The following SHANK1 variants were observed in gnomAD, a reference collection of about 807,000 sequenced individuals.
SHANK1 encodes the protein SH3 and multiple ankyrin repeat domains 1.
SHANK1 carries 35 observed loss-of-function variants against 165.6 expected under a neutral mutation model. The ratio of observed to expected loss-of-function variants is 0.21; its 90% CI spans 0.16 to 0.28. The LOEUF (loss-of-function observed/expected upper bound fraction) is 0.28. Among genes scored for constraint, SHANK1 ranks in the 10% least tolerant of loss-of-function variants. The probability of loss-of-function intolerance (pLI) is 1.00; values close to 1 mark genes in which losing one functional copy is unlikely to be tolerated. For synonymous variants in SHANK1, 1,428 were observed against 1,384.8 expected (o/e 1.03, Z -0.69); for missense variants, 2,681 against 3,036.4 (o/e 0.88, Z 2.75).
intron 21 of SHANK1, among the ~76,000 whole-genome samples, chr19:50,677,170 C>G (rs925813094): frequency 6.6e-6 from 1 of 151,420 alleles, no homozygotes; most frequent in East Asian, 1.9e-4. Context: ...CTGTGTCACC[C>G]AGGCTGAAGT....
At chr19:50,714,752 G>A (rs1359716937) in intron 4 of SHANK1, among the ~76,000 whole-genome samples, 4 of 151,356 alleles carry the variant, frequency 2.6e-5, no homozygotes, top group African/African-American at 9.7e-5. Context: ...GTTGAAATTC[G>A]TGTTAATGAT....
chr19:50,689,013 A>G, intron 16 of SHANK1, 45 bp from the exon 17 acceptor site: 1 of 1,412,862 alleles, frequency 7.1e-7, no homozygotes, highest in Non-Finnish European at 9.7e-7. Context: ...GAGGGGGTGG[A>G]GAGGCCGAGC....
intron 12 of SHANK1, among the ~76,000 whole-genome samples, chr19:50,701,097 G>A (rs1447955055): frequency 2.0e-5 from 3 of 151,626 alleles, no homozygotes; most frequent in Non-Finnish European, 4.4e-5. Flanking sequence ...CCTCACTCAA[G>A]TTGACCTTCT....
intron 15 of SHANK1, among the ~76,000 whole-genome samples, chr19:50,695,031 C>T (rs1347777188): frequency 6.8e-6 from 1 of 147,508 alleles, no homozygotes; most frequent in East Asian, 2.0e-4. Flanking sequence ...CGACCGCAGA[C>T]AAAGCCATCG....
chr19:50,684,646 C>T (rs1384251738), intron 21 of SHANK1, among the ~76,000 whole-genome samples: 1 of 152,206 alleles, frequency 6.6e-6, no homozygotes, highest in Non-Finnish European at 1.5e-5. Context: ...TTTCATCATC[C>T]TCCAACAAAA....
In SHANK1 at chr19:50,660,284, T is replaced by G. The variant is rs1374117285; in HGVS notation, c.*1681A>C. On this transcript the variant is annotated 3_prime_UTR_variant, in exon 24 of 24. Coordinates refer to ENST00000293441, the MANE Select transcript of SHANK1 (RefSeq NM_016148.5). ...TGGAGGGAGAGGGAGCTTCTTGGAG[T>G]GGACAGGTTAGGAGAGGGCAATCTT... 1.3e-5 allele frequency among the ~76,000 whole-genome samples: 2 copies of G among 149,378 alleles called. No homozygotes were observed. The highest frequency in any genetic ancestry group is 6.6e-5 in the Admixed American group (1 of 15,046).
In SHANK1 at chr19:50,665,902, A is replaced by ATGCACCTGTAATCCCAGCTACT. The variant is rs775149350; in HGVS notation, c.5768+289_5768+290insAGTAGCTGGGATTACAGGTGCA. ...TACAAAATTAGCTGGGTGTGGTGGCATGGGAGGCTGAGGCAGGAGAATCGC... is the reference window on the plus strand; with the variant it reads ...TACAAAATTAGCTGGGTGTGGTGGCATGCACCTGTAATCCCAGCTACTTGGGAGGCTGAGGCAGGAGAATCGC... On this transcript the variant is annotated intron_variant, in intron 23 of 23. Transcript: ENST00000293441. Among the ~76,000 whole-genome samples the ATGCACCTGTAATCCCAGCTACT allele has an allele frequency of 6.6e-5, 9 of 135,648 alleles. 1 individual carries two copies. Among genetic ancestry groups the ATGCACCTGTAATCCCAGCTACT allele is most frequent in the South Asian group, 2.5e-4 (1 of 4,080 alleles). The allele number at this position is 135,648 out of a possible 152,430, so 89.0% of individuals were successfully genotyped here. A position where few individuals can be genotyped will look rare whatever the true frequency, so the allele number is the denominator to read the frequency against.
chr19:50,667,120 G>A lies in SHANK1; in HGVS notation c.4840C>T (p.Pro1614Ser). Residue 1614 changes from proline to serine, a missense_variant, in exon 23 of 24, where the codon CCT becomes TCT. Around this residue, in one of 10 missense-constraint regions of SHANK1, gnomAD observed 1,713 missense variants for 1,630.2 expected, o/e 1.05. Coordinates refer to ENST00000293441, the MANE Select transcript of SHANK1 (RefSeq NM_016148.5). This position sits in a 1 kb window ranked among gnomAD's most constrained non-coding sequence, Gnocchi z 5.7. ...PVPPPAVAAA[P>S]PTLDSTASSL... ...GATGCGGTGGAGTCCAGGGTGGGAG[G>A]GGCTGCGGCCACAGCCGGGGGTGGC... 2 of 1,556,966 alleles carry A rather than the reference G, an allele frequency of 1.3e-6. No homozygotes were observed. Among genetic ancestry groups the A allele is most frequent in the Non-Finnish European group, 8.6e-7 (1 of 1,158,044 alleles).
chr19:50,714,008 C>T (rs1789841959), intron 5 of SHANK1, 59 bp from the exon 6 acceptor site: 2 of 1,597,246 alleles, frequency 1.3e-6, no homozygotes, highest in Admixed American at 1.7e-5. Context: ...CATCCCTTCC[C>T]ATTTTCCAGG....
At chr19:50,671,487 C>CTT (rs34751251) in intron 22 of SHANK1, among the ~76,000 whole-genome samples, 6 of 149,876 alleles carry the variant, frequency 4.0e-5, no homozygotes, top group Non-Finnish European at 8.9e-5. Flanking sequence ...CCGGCCCACT[C>CTT]TTTTTTTTGT....
intron 21 of SHANK1, among the ~76,000 whole-genome samples, chr19:50,681,137 C>T (rs767320872): frequency 2.0e-5 from 3 of 151,820 alleles, no homozygotes; most frequent in South Asian, 2.1e-4. Flanking sequence ...CAAGACCAGA[C>T]GTCGAGAGAG....
chr19:50,717,485 C>T lies in SHANK1; in HGVS notation c.-43-523G>A, dbSNP rs774824655. On this transcript the variant is annotated intron_variant, in intron 1 of 23. Transcript: ENST00000293441. The surrounding 1 kb of genome is among the most constrained non-coding windows in gnomAD (Gnocchi z 5.5). Reference sequence around the variant, plus strand: ...AGAGGGAGGTGTGGTGAGCCTGGAGCGGGTGGAGCTGGTGACTTCACTCAA... The same window carrying T: ...AGAGGGAGGTGTGGTGAGCCTGGAGTGGGTGGAGCTGGTGACTTCACTCAA... 5.3e-5 allele frequency among the ~76,000 whole-genome samples: 8 copies of T among 152,018 alleles called. No homozygotes were observed. Among genetic ancestry groups the T allele is most frequent in the East Asian group, 1.9e-4 (1 of 5,176 alleles).
chr19:50,685,984 G>A (rs1005323262), intron 21 of SHANK1, among the ~76,000 whole-genome samples: 2 of 152,054 alleles, frequency 1.3e-5, no homozygotes, highest in African/African-American at 2.4e-5. Context: ...GGCGGGGCAA[G>A]AGCTCAAGTA....
At chr19:50,685,940 G>C (rs1986318412) in intron 21 of SHANK1, among the ~76,000 whole-genome samples, 1 of 151,984 alleles carries the variant, frequency 6.6e-6, no homozygotes, top group Non-Finnish European at 1.5e-5. Flanking sequence ...CCTTCCTTGA[G>C]ACCCTTAAGA....
chr19:50,701,298 C>T (rs536427095), intron 12 of SHANK1, among the ~76,000 whole-genome samples: 5 of 150,640 alleles, frequency 3.3e-5, no homozygotes, highest in East Asian at 2.0e-4. Context: ...TTTCCTGCCT[C>T]GGCCTCTCAA....
rs796919361 is a variant in SHANK1, at chr19:50,660,722, T to TG, written c.*1242dup. On this transcript the variant is annotated 3_prime_UTR_variant, in exon 24 of 24. Coordinates refer to ENST00000293441, the MANE Select transcript of SHANK1 (RefSeq NM_016148.5). Reference sequence around the variant, plus strand: ...GGCTTCCGGAGAGCACTGAAAATGCTGGGGGGGGGGGCGCGTGTGCAAAAG... The same window carrying TG: ...GGCTTCCGGAGAGCACTGAAAATGCTGGGGGGGGGGGGCGCGTGTGCAAAAG... 0.11 allele frequency among the ~76,000 whole-genome samples: 6,250 copies of TG among 54,442 alleles called. 831 individuals are homozygous for TG. Among genetic ancestry groups the TG allele is most frequent in the African/African-American group, 0.22 (2,516 of 11,434 alleles). The allele number at this position is 54,442 out of a possible 152,430, so 35.7% of individuals were successfully genotyped here.
At chr19:50,695,920 G>C (rs1986723904) in intron 15 of SHANK1, among the ~76,000 whole-genome samples, 1 of 152,138 alleles carries the variant, frequency 6.6e-6, no homozygotes, top group African/African-American at 2.4e-5. Context: ...CACACGGAAG[G>C]ACCGCCCAGC....
Position 50,686,853 on chromosome 19 carries a change from G to C in SHANK1, c.2390-41C>G. The C allele has an allele frequency of 1.2e-6, 2 of 1,610,604 alleles. No homozygotes were observed. The highest frequency in any genetic ancestry group is 1.7e-6 in the Non-Finnish European group (2 of 1,177,728). Reference sequence around the variant, plus strand: ...ACGGATGACGCCCAGGGAGCCCCCGGGGGCGGGGCGGAGCGGGCTCGGCCT... The same window carrying C: ...ACGGATGACGCCCAGGGAGCCCCCGCGGGCGGGGCGGAGCGGGCTCGGCCT... On this transcript the variant is annotated intron_variant, in intron 19 of 23. Coordinates refer to ENST00000293441, the MANE Select transcript of SHANK1 (RefSeq NM_016148.5). The surrounding 1 kb of genome is among the most constrained non-coding windows in gnomAD (Gnocchi z 5.7).
Position 50,717,111 on chromosome 19 carries a change from G to A in SHANK1, c.-43-149C>T, listed in dbSNP as rs537208113. The A allele has an allele frequency of 7.1e-6, 4 of 562,934 alleles. No homozygotes were observed. Among genetic ancestry groups the A allele is most frequent in the Admixed American group, 3.9e-5 (1 of 25,858 alleles). 34.9% of individuals were successfully genotyped at this position (562,934 alleles called of 1,614,324 possible). Reference sequence around the variant, plus strand: ...GGCTGGACACACCCTCGGCCTGCACGGCCTCCCCTGCCGCCTCCTCCCACG... The same window carrying A: ...GGCTGGACACACCCTCGGCCTGCACAGCCTCCCCTGCCGCCTCCTCCCACG... On this transcript the variant is annotated intron_variant, in intron 1 of 23. Transcript: ENST00000293441. This position sits in a 1 kb window ranked among gnomAD's most constrained non-coding sequence, Gnocchi z 5.5.
Sources: gnomAD v4.1 joint callset for allele counts (sites outside exome capture counted in the v4.1 genomes callset) on GRCh38, gnomAD v4.1.1 for gene constraint, gnomAD v4.1.1 regional missense constraint, Gnocchi (gnomAD v3.1) non-coding constraint, MANE v1.5 for transcripts, NCBI Gene and HGNC (gene_info 2026-07-23, HGNC 2026-07-21) for gene names.